The following CFAP96 variants were observed in gnomAD, a reference collection of about 807,000 sequenced individuals.
CFAP96 encodes cilia-and flagella-associated protein 96.
chr4:185,434,196 C>G, the CFAP96 span, among the ~76,000 whole-genome samples: 2 of 152,042 alleles, frequency 1.3e-5, no homozygotes, highest in Non-Finnish European at 2.9e-5. Flanking sequence ...TGCACTGCAG[C>G]CTGGGCAACA....
the CFAP96 span, chr4:185,425,872 C>G: frequency 6.2e-7 from 1 of 1,602,926 alleles, no homozygotes. Context: ...TCACCATGTC[C>G]GCGACGTGGC....
chr4:185,424,126 A>AC, the CFAP96 span, among the ~76,000 whole-genome samples: 1 of 130,110 alleles, frequency 7.7e-6, no homozygotes. Context: ...ACATAGGAAG[A>AC]CCCCCATCTC....
the CFAP96 span, chr4:185,418,770 T>C: frequency 1.3e-6 from 2 of 1,585,154 alleles, no homozygotes; most frequent in South Asian, 2.4e-5. Flanking sequence ...GAGAAAAATT[T>C]CTAAATTAAA....
At chr4:185,449,530 A>T in the CFAP96 span, 2 of 1,101,646 alleles carry the variant, frequency 1.8e-6, no homozygotes, top group African/African-American at 1.6e-5. Flanking sequence ...CTTAAAAAAA[A>T]AAAAGAATGT....
At chr4:185,418,879 C>T in the CFAP96 span, 2 of 814,582 alleles carry the variant, frequency 2.5e-6, no homozygotes, top group Non-Finnish European at 3.5e-6. Context: ...TACCTATTCC[C>T]CATATTCAAT....
At chr4:185,410,624 G>A in the CFAP96 span, among the ~76,000 whole-genome samples, 24 of 151,368 alleles carry the variant, frequency 1.6e-4, no homozygotes, top group African/African-American at 5.8e-4. Context: ...CTCTAGCCTG[G>A]GCAACCGAGC....
the CFAP96 span, among the ~76,000 whole-genome samples, chr4:185,423,511 C>T: frequency 1.3e-5 from 2 of 151,932 alleles, no homozygotes; most frequent in African/African-American, 4.8e-5. Flanking sequence ...CTGAAAAACA[C>T]ACAAAGATTC....
the CFAP96 span, chr4:185,415,886 A>G: frequency 6.3e-7 from 1 of 1,588,204 alleles, no homozygotes; most frequent in Non-Finnish European, 8.6e-7. Context: ...ATAAACAGTA[A>G]TAGTCAACTT....
the CFAP96 span, among the ~76,000 whole-genome samples, chr4:185,433,578 C>T: frequency 2.6e-5 from 4 of 151,846 alleles, no homozygotes; most frequent in South Asian, 2.1e-4. Context: ...TAGTAGGCAA[C>T]GTCAGCCAAA....
the CFAP96 span, chr4:185,431,855 A>G: frequency 1.3e-6 from 1 of 747,594 alleles, no homozygotes. Context: ...GAATGTTTTG[A>G]AACAGTGCTT....
At chr4:185,417,723 C>T in the CFAP96 span, among the ~76,000 whole-genome samples, 2 of 152,112 alleles carry the variant, frequency 1.3e-5, no homozygotes, top group African/African-American at 2.4e-5. Flanking sequence ...TGGCACATGG[C>T]AGGTACTCAG....
chr4:185,418,069 A>ACACACACACACACACACACACACAC, the CFAP96 span, among the ~76,000 whole-genome samples: 1 of 22,780 alleles, frequency 4.4e-5, no homozygotes, highest in African/African-American at 1.9e-4. Context: ...CACACACACA[A>ACACACACACACACACACACACACAC]ACAACAGAAC....
chr4:185,412,322 A>C, the CFAP96 span, among the ~76,000 whole-genome samples: 1 of 152,142 alleles, frequency 6.6e-6, no homozygotes, highest in Non-Finnish European at 1.5e-5. Context: ...CTTTCTATGG[A>C]AGCTGGTTGG....
the CFAP96 span, among the ~76,000 whole-genome samples, chr4:185,437,338 C>A: frequency 2.6e-5 from 4 of 152,238 alleles, no homozygotes; most frequent in East Asian, 7.7e-4. Flanking sequence ...AATAAAGGAA[C>A]CCTTATAAAT....
At chr4:185,445,256 A>G in the CFAP96 span, 1 of 862,010 alleles carries the variant, frequency 1.2e-6, no homozygotes, top group African/African-American at 1.7e-5. Context: ...GACTTTAGAC[A>G]TCTCAGCTCC....
At chr4:185,438,841 G>A in the CFAP96 span, among the ~76,000 whole-genome samples, 18 of 152,284 alleles carry the variant, frequency 1.2e-4, no homozygotes, top group African/African-American at 4.3e-4. Context: ...TACTCCGTCC[G>A]ATGCCCTGTG....
the CFAP96 span, chr4:185,415,778 G>C: frequency 1.2e-6 from 2 of 1,613,606 alleles, no homozygotes; most frequent in East Asian, 4.5e-5. Flanking sequence ...TAACATAATG[G>C]TGTCCTCCGC....
the CFAP96 span, chr4:185,429,333 G>T: frequency 3.1e-5 from 22 of 711,480 alleles, no homozygotes; most frequent in Non-Finnish European, 4.6e-5. Flanking sequence ...ATGTAAAGTA[G>T]GACTTTGCTA....
the CFAP96 span, among the ~76,000 whole-genome samples, chr4:185,409,523 G>T: frequency 6.6e-6 from 1 of 152,016 alleles, no homozygotes; most frequent in African/African-American, 2.4e-5. Flanking sequence ...AATTAAGTGA[G>T]AGGAGATAGG....
Sources: allele counts gnomAD v4.1 joint callset (sites outside exome capture counted in the v4.1 genomes callset), GRCh38; gene constraint gnomAD v4.1.1; transcripts MANE v1.5; gene names NCBI Gene and HGNC (gene_info 2026-07-23, HGNC 2026-07-21).